Variants in FGGY observed in about 807,000 individuals in gnomAD.
FGGY encodes the protein FGGY carbohydrate kinase domain-containing protein.
In FGGY, 72 loss-of-function variants were observed where a neutral mutation model predicts 71.3. The ratio of observed to expected loss-of-function variants is 1.01; its 90% CI spans 0.84 to 1.23. FGGY has a LOEUF of 1.23. FGGY is among the 50% of genes most tolerant of loss of function. FGGY has a pLI of 0.00. For missense variants in FGGY, 668 were observed against 682.3 expected (o/e 0.98, Z 0.23); for synonymous variants, 251 against 250.3 (o/e 1.00, Z -0.02).
intron 5 of FGGY, among the ~76,000 whole-genome samples, chr1:59,449,268 G>A (rs1485184152): frequency 6.6e-6 from 1 of 151,882 alleles, no homozygotes; most frequent in Non-Finnish European, 1.5e-5. Flanking sequence ...CTTATTATTT[G>A]TATCTGCATG....
intron 4 of FGGY, among the ~76,000 whole-genome samples, chr1:59,359,834 A>G (rs2055076701): frequency 6.6e-6 from 1 of 152,138 alleles, no homozygotes; most frequent in African/African-American, 2.4e-5. Context: ...TGTAATCTGA[A>G]TGATCAGTGT....
At chr1:59,384,221 G>T (rs1006612663) in intron 5 of FGGY, among the ~76,000 whole-genome samples, 2 of 150,936 alleles carry the variant, frequency 1.3e-5, no homozygotes, top group African/African-American at 4.9e-5. Flanking sequence ...TAATCATCCC[G>T]TTCCCCCACC....
Position 59,638,376 on chromosome 1 carries a change from G to A in FGGY, c.1221+1G>A, listed in dbSNP as rs1388674883. ...AGCAGATCTGACACTAAAGGGCATGGTAAGTAACAGCTAGTCCTTGCACAT... is the reference window on the plus strand; with the variant it reads ...AGCAGATCTGACACTAAAGGGCATGATAAGTAACAGCTAGTCCTTGCACAT... On this transcript the variant is annotated splice_donor_variant, in intron 11 of 15. Coordinates refer to ENST00000303721, the MANE Select transcript of FGGY (RefSeq NM_018291.5). LOFTEE classifies it high-confidence loss of function. The A allele has an allele frequency of 6.8e-6, 11 of 1,614,072 alleles. No individual in the cohort carries two copies. Among genetic ancestry groups the A allele is most frequent in the African/African-American group, 4.0e-5 (3 of 74,936 alleles).
intron 12 of FGGY, among the ~76,000 whole-genome samples, chr1:59,664,456 C>G (rs958117329): frequency 6.6e-6 from 1 of 152,240 alleles, no homozygotes; most frequent in African/African-American, 2.4e-5. Flanking sequence ...CATTTCTTTC[C>G]TTTTCCCAGG....
intron 8 of FGGY, among the ~76,000 whole-genome samples, chr1:59,569,903 A>G (rs2095951718): frequency 6.6e-6 from 1 of 152,194 alleles, no homozygotes; most frequent in Non-Finnish European, 1.5e-5. Context: ...CAGACCCCTG[A>G]GCCATGTCCA....
At chr1:59,554,590 G>A (rs189547846) in intron 8 of FGGY, among the ~76,000 whole-genome samples, 34 of 152,246 alleles carry the variant, frequency 2.2e-4, no homozygotes, top group African/African-American at 7.5e-4. Context: ...AAGAGTGTCT[G>A]TTTTCCTTGG....
intron 4 of FGGY, among the ~76,000 whole-genome samples, chr1:59,362,619 A>G (rs1390514126): frequency 6.6e-6 from 1 of 151,994 alleles, no homozygotes; most frequent in Non-Finnish European, 1.5e-5. Context: ...CCTCCATCCC[A>G]TCTTCCTCAG....
chr1:59,658,787 A>G (rs1391683455), intron 11 of FGGY, among the ~76,000 whole-genome samples: 1 of 152,208 alleles, frequency 6.6e-6, no homozygotes, highest in Non-Finnish European at 1.5e-5. Context: ...AGCAATTAGG[A>G]AGGACATAAT....
At chr1:59,618,381 T>C (rs1002515174) in intron 9 of FGGY, among the ~76,000 whole-genome samples, 1 of 152,112 alleles carries the variant, frequency 6.6e-6, no homozygotes, top group African/African-American at 2.4e-5. Context: ...CAAGGTAATC[T>C]GATCAAAATC....
At chr1:59,456,323 A>AT (rs927134737) in intron 5 of FGGY, among the ~76,000 whole-genome samples, 5 of 152,146 alleles carry the variant, frequency 3.3e-5, no homozygotes, top group Admixed American at 1.3e-4. Flanking sequence ...AAATTTCATA[A>AT]TTTTTTTATC....
chr1:59,417,370 T>A (rs983890245), intron 5 of FGGY, among the ~76,000 whole-genome samples: 1 of 152,262 alleles, frequency 6.6e-6, no homozygotes. Context: ...TTTTAGTTAC[T>A]GTGACTAATG....
chr1:59,682,499 G>A (rs1349789502), intron 14 of FGGY, among the ~76,000 whole-genome samples: 14 of 152,164 alleles, frequency 9.2e-5, no homozygotes, highest in South Asian at 2.1e-4. Context: ...TGTGACCCTC[G>A]GGTTTGTAAC....
chr1:59,343,027 C>A (rs902358194), intron 3 of FGGY, among the ~76,000 whole-genome samples: 17 of 152,052 alleles, frequency 1.1e-4, no homozygotes, highest in African/African-American at 3.6e-4. Context: ...AGAGCCTTAC[C>A]CTGATTGTGT....
chr1:59,466,321 G>C (rs2092624735), intron 6 of FGGY, among the ~76,000 whole-genome samples: 1 of 152,118 alleles, frequency 6.6e-6, no homozygotes, highest in Non-Finnish European at 1.5e-5. Flanking sequence ...GCTGAAACTG[G>C]ATCCCTTCCT....
At chr1:59,709,745 G>A (rs1440358484) in intron 14 of FGGY, among the ~76,000 whole-genome samples, 1 of 152,200 alleles carries the variant, frequency 6.6e-6, no homozygotes, top group African/African-American at 2.4e-5. Context: ...CCCCCAATTT[G>A]TGGGACCCAG....
At chr1:59,375,614 C>T (rs1034178908) in intron 4 of FGGY, among the ~76,000 whole-genome samples, 2 of 152,198 alleles carry the variant, frequency 1.3e-5, no homozygotes, top group African/African-American at 4.8e-5. Context: ...TTATAGAGGG[C>T]TTCCACATGT....
intron 14 of FGGY, among the ~76,000 whole-genome samples, chr1:59,750,160 A>G (rs1369213866): frequency 2.0e-5 from 3 of 152,178 alleles, no homozygotes; most frequent in African/African-American, 7.2e-5. Flanking sequence ...AAGCCCATTT[A>G]TCTCTAAAAC....
intron 5 of FGGY, among the ~76,000 whole-genome samples, chr1:59,419,876 AT>A (rs888967886): frequency 2.6e-5 from 4 of 152,142 alleles, no homozygotes; most frequent in African/African-American, 4.8e-5. Flanking sequence ...TACACAGCAT[AT>A]TTTCAAAGCC....
chr1:59,311,030 A>G (rs1223280235), intron 1 of FGGY, among the ~76,000 whole-genome samples: 1 of 152,174 alleles, frequency 6.6e-6, no homozygotes, highest in Non-Finnish European at 1.5e-5. Flanking sequence ...TGTTTCCCAC[A>G]GTAGGATTTA....
Sources: allele counts gnomAD v4.1 joint callset (sites outside exome capture counted in the v4.1 genomes callset), GRCh38; gene constraint gnomAD v4.1.1; transcripts MANE v1.5; gene names NCBI Gene and HGNC (gene_info 2026-07-23, HGNC 2026-07-21).